GPC6: variants seen among roughly 807,000 people sequenced by gnomAD.
GPC6 encodes the protein glypican 6, also known as glypican-6.
In GPC6, 14 loss-of-function variants were observed where a neutral mutation model predicts 55.2. The ratio of observed to expected loss-of-function variants is 0.25; its 90% CI spans 0.17 to 0.40. The LOEUF is 0.40. GPC6 is among the 10% of genes least tolerant of loss of function. The pLI, the probability that GPC6 is intolerant of heterozygous loss-of-function variation, is 1.00. For synonymous variants in GPC6, 278 were observed against 259.6 expected (o/e 1.07, Z -0.68); for missense variants, 641 against 708.5 (o/e 0.90, Z 1.08).
intron 5 of GPC6, among the ~76,000 whole-genome samples, chr13:94,299,551 G>C (rs2139103086): frequency 6.6e-6 from 1 of 152,284 alleles, no homozygotes; most frequent in South Asian, 2.1e-4. Context: ...GATTAGTAGT[G>C]CCCCTGCAGA....
Position 93,999,543 on chromosome 13 carries a change from G to A in GPC6, c.712-28186G>A, listed in dbSNP as rs114877937. ...GATTTCATACATAAGTGAGATCACC[G>A]GTATTAGTCTTTTGTGCCTGGGTTA... On this transcript the variant is annotated intron_variant, in intron 3 of 8. Coordinates refer to ENST00000377047, the MANE Select transcript of GPC6 (RefSeq NM_005708.5). Among the ~76,000 whole-genome samples, 598 of 152,226 alleles carry A rather than the reference G, an allele frequency of 3.9e-3. 5 individuals carry two copies. The highest frequency in any genetic ancestry group is 0.014 in the African/African-American group (572 of 41,560).
At chr13:93,255,430 T>C (rs1442038408) in intron 1 of GPC6, among the ~76,000 whole-genome samples, 3 of 152,192 alleles carry the variant, frequency 2.0e-5, no homozygotes, top group Non-Finnish European at 2.9e-5. Flanking sequence ...ACTGTCTCTT[T>C]TTTCTATCAC....
chr13:93,425,035 G>A (rs1169414370), intron 1 of GPC6, among the ~76,000 whole-genome samples: 1 of 151,998 alleles, frequency 6.6e-6, no homozygotes, highest in African/African-American at 2.4e-5. Context: ...TTCAGGGCTG[G>A]GACAAGGGTA....
chr13:94,126,241 G>A (rs1386684715), intron 4 of GPC6, among the ~76,000 whole-genome samples: 2 of 152,086 alleles, frequency 1.3e-5, no homozygotes, highest in African/African-American at 4.8e-5. Context: ...AAATTAGTTG[G>A]GTGCAGTGGC....
intron 1 of GPC6, among the ~76,000 whole-genome samples, chr13:93,271,076 T>C (rs1197973608): frequency 1.3e-5 from 2 of 151,846 alleles, no homozygotes; most frequent in Non-Finnish European, 2.9e-5. Flanking sequence ...GGGCAGGGAG[T>C]GTTTGTGTTG....
chr13:94,044,576 A>G (rs554450158), intron 4 of GPC6, among the ~76,000 whole-genome samples: 21 of 151,930 alleles, frequency 1.4e-4, no homozygotes, highest in Non-Finnish European at 2.8e-4. Context: ...CAAATATGCT[A>G]TAATGATTGA....
chr13:94,295,108 G>A (rs1208021614), intron 5 of GPC6, among the ~76,000 whole-genome samples: 1 of 152,144 alleles, frequency 6.6e-6, no homozygotes, highest in Non-Finnish European at 1.5e-5. Context: ...GACTAGGATA[G>A]CAGTTACCAG....
chr13:94,064,930 C>T (rs1884463513), intron 4 of GPC6, among the ~76,000 whole-genome samples: 1 of 152,096 alleles, frequency 6.6e-6, no homozygotes, highest in South Asian at 2.1e-4. Context: ...TGAATCTTTA[C>T]AAGTAAGTAT....
intron 7 of GPC6, among the ~76,000 whole-genome samples, chr13:94,394,532 G>C (rs558716476): frequency 2.8e-4 from 43 of 152,278 alleles, no homozygotes; most frequent in African/African-American, 9.4e-4. Flanking sequence ...ATTCTTGCAG[G>C]ACAGGAGTGT....
intron 3 of GPC6, among the ~76,000 whole-genome samples, chr13:93,993,437 G>A (rs1473279312): frequency 6.6e-6 from 1 of 151,776 alleles, no homozygotes; most frequent in Non-Finnish European, 1.5e-5. Context: ...GGAATTACAG[G>A]CATGCACCAC....
intron 2 of GPC6, among the ~76,000 whole-genome samples, chr13:93,683,085 T>C: frequency 6.6e-6 from 1 of 151,954 alleles, no homozygotes; most frequent in East Asian, 2.0e-4. Flanking sequence ...TTAATTTCCA[T>C]GTAACTCTGA....
chr13:93,308,838 G>T (rs1262734125), intron 1 of GPC6, among the ~76,000 whole-genome samples: 1 of 152,142 alleles, frequency 6.6e-6, no homozygotes, highest in Non-Finnish European at 1.5e-5. Context: ...TAGGAAGAAA[G>T]CAAACTGCAA....
chr13:94,232,986 CTTTTTTTTT>C (rs67718119), intron 4 of GPC6, among the ~76,000 whole-genome samples: 1 of 80,634 alleles, frequency 1.2e-5, no homozygotes, highest in Non-Finnish European at 2.3e-5. Context: ...GGTTTTATAA[CTTTTTTTTT>C]TTTTTTTTTT....
chr13:94,044,751 T>C (rs1232143287), intron 4 of GPC6, among the ~76,000 whole-genome samples: 3 of 151,874 alleles, frequency 2.0e-5, no homozygotes, highest in African/African-American at 7.2e-5. Flanking sequence ...CAGCTACTTA[T>C]AAGAATCCCT....
intron 3 of GPC6, among the ~76,000 whole-genome samples, chr13:93,905,476 T>C (rs888994605): frequency 1.3e-5 from 2 of 152,168 alleles, no homozygotes; most frequent in African/African-American, 2.4e-5. Flanking sequence ...CAAGTTACAA[T>C]TTCCTGTAAT....
At chr13:93,231,393 A>ATGTG (rs1555336148) in intron 1 of GPC6, among the ~76,000 whole-genome samples, 4 of 24,880 alleles carry the variant, frequency 1.6e-4, no homozygotes, top group East Asian at 1.2e-3. Flanking sequence ...ATATATATAT[A>ATGTG]TATGTATATA....
chr13:93,727,096 C>T (rs961422510), intron 2 of GPC6, among the ~76,000 whole-genome samples: 1 of 152,062 alleles, frequency 6.6e-6, no homozygotes, highest in Non-Finnish European at 1.5e-5. Flanking sequence ...GACACAGTGA[C>T]ACTGAAAAGA....
At chr13:93,910,494 G>A (rs1000284738) in intron 3 of GPC6, among the ~76,000 whole-genome samples, 1 of 152,000 alleles carries the variant, frequency 6.6e-6, no homozygotes, top group African/African-American at 2.4e-5. Context: ...GAGATGTATT[G>A]CAGTGGAGGG....
chr13:93,556,426 A>ATATATATAT (rs1875482038), intron 2 of GPC6, among the ~76,000 whole-genome samples: 1 of 146,220 alleles, frequency 6.8e-6, no homozygotes, highest in Non-Finnish European at 1.5e-5. Context: ...ATATATATAT[A>ATATATATAT]TATATATTTT....
Sources: gnomAD v4.1 joint callset for allele counts (sites outside exome capture counted in the v4.1 genomes callset) on GRCh38, gnomAD v4.1.1 for gene constraint, MANE v1.5 for transcripts, NCBI Gene and HGNC (gene_info 2026-07-23, HGNC 2026-07-21) for gene names.